MAL2: variants seen among roughly 807,000 people sequenced by gnomAD.
MAL2 encodes protein MAL2.
A neutral mutation model predicts 18.1 loss-of-function variants in MAL2; 17 were observed. That is an observed-to-expected ratio of 0.94 (90% CI 0.64 to 1.41). The LOEUF is 1.41. Among genes scored for constraint, MAL2 ranks in the 40% most tolerant of loss-of-function variants. The pLI, the probability that MAL2 is intolerant of heterozygous loss-of-function variation, is 0.00. For synonymous variants in MAL2, 102 were observed against 102.3 expected, an observed-to-expected ratio of 1.00 and a Z score of 0.02; for missense variants, 222 against 231.9, an observed-to-expected ratio of 0.96 and a Z score of 0.28.
rs578098109 is a variant in MAL2 at position 119,245,586 on chromosome 8, T to A, written c.*2098T>A. ...TCTTAGCTGTAAAAATGAGAAAGTG[T>A]TGGTTGGTTTTAAAATCTGGTAACT... On this transcript the variant is annotated 3_prime_UTR_variant, in exon 4 of 4. Coordinates refer to ENST00000614891, the MANE Select transcript of MAL2 (RefSeq NM_052886.3). 2 of 152,530 alleles carry A rather than the reference T, an allele frequency of 1.3e-5. No homozygotes were observed. Among genetic ancestry groups the A allele is most frequent in the Non-Finnish European group, 2.9e-5 (2 of 68,022 alleles). The allele number at this position is 152,530 out of a possible 1,614,324, so 9.4% of individuals were successfully genotyped here. A position where few individuals can be genotyped will look rare whatever the true frequency, so the allele number is the denominator to read the frequency against.
chr8:119,227,753 G>A (rs905389956), intron 2 of MAL2, among the ~76,000 whole-genome samples: 2 of 152,188 alleles, frequency 1.3e-5, no homozygotes, highest in African/African-American at 4.8e-5. Flanking sequence ...GGGTTCCCAT[G>A]TGCCTTTCTT....
At position 119,244,809 on chromosome 8, in the gene MAL2, C is replaced by T. The variant is rs1292908830; in HGVS notation, c.*1321C>T. ...TAGCACAGAAAAGTATTTTAACCTACCTGTAGAGATCCTCGTCATGGAAAG... is the reference window on the plus strand; with the variant it reads ...TAGCACAGAAAAGTATTTTAACCTATCTGTAGAGATCCTCGTCATGGAAAG... On this transcript the variant is annotated 3_prime_UTR_variant, in exon 4 of 4. Transcript: ENST00000614891. The T allele has an allele frequency of 6.6e-6, 1 of 152,546 alleles. No homozygotes were observed. The highest frequency in any genetic ancestry group is 2.4e-5 in the African/African-American group (1 of 41,432). The allele number at this position is 152,546 out of a possible 1,614,324, so 9.4% of individuals were successfully genotyped here.
In MAL2 at chr8:119,243,406, T is replaced by C. The variant is rs752287878; in HGVS notation, c.460-11T>C. On this transcript the variant is annotated splice_polypyrimidine_tract_variant and intron_variant, in intron 3 of 3. Transcript: ENST00000614891. The stretch of plus-strand genomic sequence containing the variant: ...TAAATCTGATGTGAATTTTTGTTTC[T>C]TTTTTCTTAGATTTTTGCCTTTATG... 32 of 1,574,466 alleles carry C rather than the reference T, an allele frequency of 2.0e-5. No individual in the cohort carries two copies. The highest frequency in any genetic ancestry group is 2.6e-5 in the Non-Finnish European group (30 of 1,157,914).
Position 119,208,526 on chromosome 8 carries a change from C to A in MAL2, c.54C>A (p.Phe18Leu). The A allele has an allele frequency of 7.2e-7, 1 of 1,386,302 alleles. No individual in the cohort carries two copies. The highest frequency in any genetic ancestry group is 9.4e-7 in the Non-Finnish European group (1 of 1,065,816). 85.9% of individuals were successfully genotyped at this position (1,386,302 alleles called of 1,614,324 possible). A position where few individuals can be genotyped will look rare whatever the true frequency, so the allele number is the denominator to read the frequency against. Reference protein sequence around the residue: ...VPPPPNPAVSFPPPRVTLPAG... With the variant: ...VPPPPNPAVSLPPPRVTLPAG... The stretch of plus-strand genomic sequence containing the variant: ...CGCCCCCGAACCCCGCCGTGTCCTT[C>A]CCGCCGCCCCGGGTCACCCTGCCCG... Residue 18 changes from phenylalanine to leucine, a missense_variant, in exon 1 of 4, where the codon TTC becomes TTA. Physicochemically the swap from Phe to Leu is conservative, Grantham distance 22. Transcript: ENST00000614891. This position sits in a 1 kb window ranked among gnomAD's most constrained non-coding sequence, Gnocchi z 4.3.
chr8:119,222,473 A>G (rs905506720), intron 2 of MAL2, among the ~76,000 whole-genome samples: 1 of 149,400 alleles, frequency 6.7e-6, no homozygotes, highest in Admixed American at 6.8e-5. Context: ...GTGAGCCTAG[A>G]TTGTGCCACT....
intron 1 of MAL2, among the ~76,000 whole-genome samples, chr8:119,219,548 TGTGTGTGA>T (rs1293488683): frequency 3.6e-4 from 41 of 113,236 alleles, no homozygotes; most frequent in South Asian, 1.1e-3. Context: ...TGTGTGTGTG[TGTGTGTGA>T]GAGAGAGAGA....
At chr8:119,241,360 T>G (rs1361549513) in intron 3 of MAL2, among the ~76,000 whole-genome samples, 1 of 151,784 alleles carries the variant, frequency 6.6e-6, no homozygotes. Context: ...AAACCTTGTC[T>G]CTGAAAAAGG....
rs572579465 is a variant in MAL2 at position 119,224,905 on chromosome 8, A to C, written c.303+3148A>C. 1.4e-4 allele frequency among the ~76,000 whole-genome samples: 22 copies of C among 152,212 alleles called. No homozygotes were observed. In the South Asian group the frequency reaches 4.4e-3, roughly 30 times the overall value. ...AGCTATATTTTCTGGCCCCATATTC[A>C]TTTGCTTATTTGACCTTAATGACAA... On this transcript the variant is annotated intron_variant, in intron 2 of 3. Coordinates refer to ENST00000614891, the MANE Select transcript of MAL2 (RefSeq NM_052886.3).
At chr8:119,242,802 A>C (rs1818073410) in intron 3 of MAL2, among the ~76,000 whole-genome samples, 1 of 152,178 alleles carries the variant, frequency 6.6e-6, no homozygotes, top group Non-Finnish European at 1.5e-5. Context: ...AAGCCCCAAA[A>C]GGGTGAGGAC....
intron 1 of MAL2, among the ~76,000 whole-genome samples, chr8:119,210,703 A>G (rs951092133): frequency 2.0e-5 from 3 of 152,214 alleles, no homozygotes; most frequent in South Asian, 4.1e-4. Context: ...GAAGTGTCCA[A>G]TCTAATCCTC....
intron 2 of MAL2, among the ~76,000 whole-genome samples, chr8:119,230,411 A>C (rs1817693129): frequency 1.4e-5 from 2 of 146,034 alleles, no homozygotes; most frequent in Admixed American, 1.4e-4. Flanking sequence ...TCTGAAAAGG[A>C]GGGAGGAAGA....
rs960798943 is a variant in MAL2 at position 119,244,263 on chromosome 8, T to C, written c.*775T>C. Reference sequence around the variant, plus strand: ...AATAATCACATTGCCTTTGTGTTAATAGTCAAATACTTACCTTTGGAGAAT... The same window carrying C: ...AATAATCACATTGCCTTTGTGTTAACAGTCAAATACTTACCTTTGGAGAAT... On this transcript the variant is annotated 3_prime_UTR_variant, in exon 4 of 4. Transcript: ENST00000614891. 6.6e-6 allele frequency: 1 copy of C among 152,214 alleles called. No homozygotes were observed. Among genetic ancestry groups the C allele is most frequent in the Non-Finnish European group, 1.5e-5 (1 of 68,038 alleles). The allele number at this position is 152,214 out of a possible 1,614,324, so 9.4% of individuals were successfully genotyped here.
intron 1 of MAL2, among the ~76,000 whole-genome samples, chr8:119,215,972 A>G (rs960618735): frequency 6.6e-6 from 1 of 152,222 alleles, no homozygotes; most frequent in Non-Finnish European, 1.5e-5. Context: ...TGCGAATTGT[A>G]TGTAAAATAT....
intron 1 of MAL2, among the ~76,000 whole-genome samples, chr8:119,216,666 A>T (rs1033317822): frequency 7.2e-5 from 11 of 152,196 alleles, no homozygotes; most frequent in African/African-American, 2.7e-4. Flanking sequence ...CAGTAGAATA[A>T]TGAATTATCC....
chr8:119,222,638 G>C (rs1410552727), intron 2 of MAL2, among the ~76,000 whole-genome samples: 2 of 151,686 alleles, frequency 1.3e-5, no homozygotes, highest in Non-Finnish European at 2.9e-5. Context: ...GGCCAGCCTG[G>C]GAAACATGGT....
intron 2 of MAL2, chr8:119,223,901 G>A (rs1817525216): frequency 6.6e-6 from 1 of 151,808 alleles, no homozygotes; most frequent in African/African-American, 2.4e-5. Flanking sequence ...AAACTTTTTA[G>A]CCATGTATAT....
At chr8:119,237,290 T>C (rs1817928368) in intron 2 of MAL2, among the ~76,000 whole-genome samples, 1 of 151,112 alleles carries the variant, frequency 6.6e-6, no homozygotes, top group Non-Finnish European at 1.5e-5. Flanking sequence ...ATTGTGGCAA[T>C]AATCAATAGT....
intron 1 of MAL2, among the ~76,000 whole-genome samples, chr8:119,216,140 G>T (rs1004612303): frequency 2.6e-5 from 4 of 151,882 alleles, no homozygotes; most frequent in Admixed American, 6.6e-5. Context: ...ACTTCTGGGT[G>T]GGGGGGCCAC....
chr8:119,242,723 C>T (rs888903998), intron 3 of MAL2, among the ~76,000 whole-genome samples: 1 of 152,088 alleles, frequency 6.6e-6, no homozygotes, highest in Non-Finnish European at 1.5e-5. Context: ...GTGCTAAACC[C>T]ACAACATTTA....
Sources: gnomAD v4.1 joint callset for allele counts (sites outside exome capture counted in the v4.1 genomes callset) on GRCh38, gnomAD v4.1.1 for gene constraint, Gnocchi (gnomAD v3.1) non-coding constraint, MANE v1.5 for transcripts, NCBI Gene and HGNC (gene_info 2026-07-23, HGNC 2026-07-21) for gene names.